The following SIPA1L3 variants were observed in gnomAD, a reference collection of about 807,000 sequenced individuals.
SIPA1L3 encodes the protein signal-induced proliferation-associated 1-like protein 3.
SIPA1L3 carries 59 observed loss-of-function variants against 150.1 expected under a neutral mutation model. The observed-to-expected ratio is 0.39, with a 90% confidence interval of 0.32 to 0.49. SIPA1L3 has a LOEUF of 0.49. Ranked by LOEUF, SIPA1L3 falls within the 20% of genes least tolerant of loss-of-function variation. The pLI is 0.86. For synonymous variants in SIPA1L3, 1,070 were observed against 1,077.6 expected (o/e 0.99, Z 0.14); for missense variants, 2,211 against 2,489.5 (o/e 0.89, Z 2.38).
chr19:37,922,745 C>T (rs1393956120), intron 1 of SIPA1L3, among the ~76,000 whole-genome samples: 2 of 151,958 alleles, frequency 1.3e-5, no homozygotes, highest in African/African-American at 4.8e-5. Context: ...TTCTAGATAC[C>T]AGGGTGCAGC....
intron 2 of SIPA1L3, among the ~76,000 whole-genome samples, chr19:38,043,502 C>T (rs867108004): frequency 1.5e-4 from 23 of 152,168 alleles, no homozygotes; most frequent in Admixed American, 1.2e-3. Context: ...TACCACTGTT[C>T]GCTCAGAACC....
At chr19:38,140,973 G>A (rs1225341190) in intron 10 of SIPA1L3, among the ~76,000 whole-genome samples, 4 of 147,844 alleles carry the variant, frequency 2.7e-5, no homozygotes, top group African/African-American at 1.0e-4. Context: ...CACGAGAATC[G>A]CTTGAACCCA....
chr19:37,959,251 C>A (rs796489055), intron 1 of SIPA1L3, among the ~76,000 whole-genome samples: 1 of 152,230 alleles, frequency 6.6e-6, no homozygotes, highest in East Asian at 1.9e-4. Flanking sequence ...TTATTCGTAA[C>A]CCCAGAAGTG....
intron 1 of SIPA1L3, among the ~76,000 whole-genome samples, chr19:37,974,218 A>G (rs1315091947): frequency 6.6e-6 from 1 of 151,998 alleles, no homozygotes; most frequent in African/African-American, 2.4e-5. Context: ...CCTCCTCAAG[A>G]TCATATAGTT....
chr19:37,973,622 C>T (rs11666497), intron 1 of SIPA1L3, among the ~76,000 whole-genome samples: 22,351 of 143,448 alleles, frequency 0.16, 1,936 homozygotes, highest in Middle Eastern at 0.29. Flanking sequence ...GCTCGCATGA[C>T]GAAGAACTGA....
intron 2 of SIPA1L3, among the ~76,000 whole-genome samples, chr19:38,036,528 C>T (rs963648837): frequency 6.6e-6 from 1 of 152,214 alleles, no homozygotes; most frequent in African/African-American, 2.4e-5. Flanking sequence ...CCGTGGAGTG[C>T]TTGGCCCATT....
At chr19:38,187,995 CAA>C (rs919508675) in intron 16 of SIPA1L3, among the ~76,000 whole-genome samples, 4 of 135,322 alleles carry the variant, frequency 3.0e-5, no homozygotes, top group Non-Finnish European at 3.2e-5. Context: ...GACTCTGTCT[CAA>C]AAAAAAAAAA....
chr19:38,162,893 C>T (rs1023073546), intron 14 of SIPA1L3, among the ~76,000 whole-genome samples: 2 of 152,180 alleles, frequency 1.3e-5, no homozygotes, highest in Non-Finnish European at 2.9e-5. Context: ...CTGGAAATGG[C>T]ATGAATCGCT....
In SIPA1L3 at chr19:37,941,125, G is replaced by C. The variant is rs922347259; in HGVS notation, c.-379+33767G>C. On this transcript the variant is annotated intron_variant, in intron 1 of 21. Transcript: ENST00000222345. ...ACACACACACACACACACACACACT[G>C]TTTCTTTTTTGGCAGGCAGGGCTAG... Among the ~76,000 whole-genome samples, 14 of 109,272 alleles carry C rather than the reference G, an allele frequency of 1.3e-4. No individual in the cohort carries two copies. The East Asian group carries it at 2.9e-3, about 23-fold the overall frequency. 71.7% of individuals were successfully genotyped at this position (109,272 alleles called of 152,430 possible).
At chr19:37,987,737 T>C (rs1967394416) in intron 1 of SIPA1L3, among the ~76,000 whole-genome samples, 3 of 152,122 alleles carry the variant, frequency 2.0e-5, no homozygotes, top group Admixed American at 2.0e-4. Context: ...CCACTTTAGT[T>C]TGGGGCAGGC....
intron 18 of SIPA1L3, among the ~76,000 whole-genome samples, chr19:38,195,009 C>A (rs983975698): frequency 4.6e-5 from 7 of 152,120 alleles, no homozygotes; most frequent in African/African-American, 1.7e-4. Context: ...TGAGATCAAG[C>A]CACTGCACTC....
chr19:38,085,286 C>T (rs1970100370), intron 3 of SIPA1L3, among the ~76,000 whole-genome samples: 1 of 151,820 alleles, frequency 6.6e-6, no homozygotes, highest in Non-Finnish European at 1.5e-5. Flanking sequence ...TGAGACCATC[C>T]TGGCTAACAC....
chr19:37,909,359 C>G (rs139898993), intron 1 of SIPA1L3, among the ~76,000 whole-genome samples: 1 of 152,018 alleles, frequency 6.6e-6, no homozygotes, highest in Admixed American at 6.5e-5. Flanking sequence ...AGGTGCCCGC[C>G]ACCACACGTG....
At chr19:38,090,287 G>A (rs1970230768) in intron 4 of SIPA1L3, among the ~76,000 whole-genome samples, 1 of 143,574 alleles carries the variant, frequency 7.0e-6, no homozygotes, top group Admixed American at 7.4e-5. Flanking sequence ...CTGAGATCGC[G>A]CCATTGTACT....
chr19:38,122,118 G>A (rs1004344784), intron 9 of SIPA1L3, among the ~76,000 whole-genome samples: 1 of 152,026 alleles, frequency 6.6e-6, no homozygotes, highest in Admixed American at 6.6e-5. Flanking sequence ...CTACTCGGGA[G>A]GCCGAGGGAA....
chr19:38,008,277 G>A (rs1968011805), intron 1 of SIPA1L3, among the ~76,000 whole-genome samples: 1 of 136,068 alleles, frequency 7.3e-6, no homozygotes, highest in African/African-American at 2.7e-5. Flanking sequence ...TGCCAGGCTG[G>A]AGTGCAGTGG....
chr19:37,966,848 C>T (rs11672724), intron 1 of SIPA1L3, among the ~76,000 whole-genome samples: 22,817 of 152,022 alleles, frequency 0.15, 1,923 homozygotes, highest in Middle Eastern at 0.28. Flanking sequence ...GAGCAGCTCC[C>T]GCGAGGGCAG....
chr19:38,028,936 C>T (rs557507371), intron 1 of SIPA1L3, among the ~76,000 whole-genome samples, 153 bp from the exon 2 acceptor site: 3 of 152,240 alleles, frequency 2.0e-5, no homozygotes, highest in East Asian at 3.9e-4. Flanking sequence ...TCAAGTGATC[C>T]GCCTGCCTTG....
At chr19:38,142,199 A>G (rs1971602125) in intron 11 of SIPA1L3, among the ~76,000 whole-genome samples, 1 of 152,218 alleles carries the variant, frequency 6.6e-6, no homozygotes, top group Non-Finnish European at 1.5e-5. Flanking sequence ...TTTTGAAGAT[A>G]TTATATATTA....
Sources: gnomAD v4.1 joint callset for allele counts (sites outside exome capture counted in the v4.1 genomes callset) on GRCh38, gnomAD v4.1.1 for gene constraint, MANE v1.5 for transcripts, NCBI Gene and HGNC (gene_info 2026-07-23, HGNC 2026-07-21) for gene names.